The following LRP8 variants were observed in gnomAD, a reference collection of about 807,000 sequenced individuals.
The protein encoded by LRP8 is LDL receptor related protein 8, also known as low-density lipoprotein receptor-related protein 8.
In LRP8, 46 loss-of-function variants were observed where a neutral mutation model predicts 111.6. That is an observed-to-expected ratio of 0.41 (90% CI 0.33 to 0.53). LRP8 has a LOEUF of 0.53. Among genes scored for constraint, LRP8 ranks in the 20% least tolerant of loss-of-function variants. LRP8 has a pLI of 0.20. For missense variants in LRP8, 959 were observed against 1,297.4 expected (o/e 0.74, Z 4.01); for synonymous variants, 464 against 511.2 (o/e 0.91, Z 1.24).
intron 9 of LRP8, 39 bp from the exon 10 acceptor site, chr1:53,264,435 C>G (rs760854292): frequency 1.3e-6 from 2 of 1,523,770 alleles, no homozygotes; most frequent in East Asian, 4.6e-5. Flanking sequence ...GCAGATGTTC[C>G]ACCCATGGGC....
intron 3 of LRP8, among the ~76,000 whole-genome samples, chr1:53,289,038 C>T (rs958816791): frequency 5.9e-5 from 9 of 152,150 alleles, no homozygotes; most frequent in South Asian, 2.1e-4. Flanking sequence ...GGTAGAGGAA[C>T]GGGCCAGAGC....
rs1458061732 is a variant in LRP8, at chr1:53,272,689, A to T, written c.1007-1343T>A. 3 of 1,288,922 alleles carry T rather than the reference A, an allele frequency of 2.3e-6. No individual in the cohort carries two copies. The African/African-American group carries it at 4.6e-5, about 20-fold the overall frequency. 79.8% of individuals were successfully genotyped at this position (1,288,922 alleles called of 1,614,324 possible). The stretch of plus-strand genomic sequence containing the variant: ...AACTCCATGACTGGGGGACCCAGGG[A>T]TGACTCAGCCAGGCCCAGCCCTGGG... On this transcript the variant is annotated intron_variant, in intron 6 of 18. Coordinates refer to ENST00000306052, the MANE Select transcript of LRP8 (RefSeq NM_004631.5).
At chr1:53,268,374 A>C (rs532858643) in intron 8 of LRP8, 2 of 152,298 alleles carry the variant, frequency 1.3e-5, no homozygotes, top group Admixed American at 1.3e-4. Context: ...TTGTATATGC[A>C]TGGGTAGTTG....
At chr1:53,247,095 AAG>A (rs764943319) in intron 18 of LRP8, 39 bp from the exon 19 acceptor site, 1 of 1,515,418 alleles carries the variant, frequency 6.6e-7, no homozygotes, top group Non-Finnish European at 9.0e-7. Flanking sequence ...TTAGATCCAT[AAG>A]AGTTACTATT....
rs535311805 is a variant in LRP8, at chr1:53,303,133, G to A, written c.245-13444C>T. Reference sequence around the variant, plus strand: ...CAGGTAGAGCTCTTGTCAATCATGCGGCTTATTTCTTACCACCACCACTCC... The same window carrying A: ...CAGGTAGAGCTCTTGTCAATCATGCAGCTTATTTCTTACCACCACCACTCC... On this transcript the variant is annotated intron_variant, in intron 2 of 18. Transcript: ENST00000306052. This position sits in a 1 kb window ranked among gnomAD's most constrained non-coding sequence, Gnocchi z 4.3. Among the ~76,000 whole-genome samples the A allele has an allele frequency of 7.9e-5, 12 of 152,256 alleles. No homozygotes were observed. The highest frequency in any genetic ancestry group is 2.1e-4 in the South Asian group (1 of 4,828).
intron 2 of LRP8, among the ~76,000 whole-genome samples, chr1:53,301,730 T>TAA (rs34765403): frequency 0.13 from 19,183 of 144,354 alleles, 1,367 homozygotes; most frequent in Middle Eastern, 0.2. Flanking sequence ...AACCCTGTCT[T>TAA]AAAAAAAAAA....
intron 12 of LRP8, among the ~76,000 whole-genome samples, chr1:53,261,745 C>CA (rs1374907435): frequency 6.6e-6 from 1 of 152,204 alleles, no homozygotes. Context: ...TCCTTTCCTC[C>CA]CTTTACTGGG....
At chr1:53,301,953 C>T (rs1246227549) in intron 2 of LRP8, among the ~76,000 whole-genome samples, 2 of 152,068 alleles carry the variant, frequency 1.3e-5, no homozygotes, top group African/African-American at 2.4e-5. Context: ...GGGGTGGTGA[C>T]GTCACTCATC....
intron 8 of LRP8, chr1:53,267,236 C>G (rs1158098466): frequency 6.6e-6 from 1 of 152,372 alleles, no homozygotes; most frequent in Non-Finnish European, 1.5e-5. Context: ...GAGGCTGAGG[C>G]TGGCACATCG....
intron 2 of LRP8, among the ~76,000 whole-genome samples, chr1:53,295,952 G>A (rs774260990): frequency 5.9e-5 from 9 of 152,164 alleles, no homozygotes; most frequent in Non-Finnish European, 1.2e-4. Context: ...CAGCAGCCTG[G>A]TAGTTGTACT....
chr1:53,324,591 G>A (rs766565432), intron 2 of LRP8, among the ~76,000 whole-genome samples: 2 of 152,162 alleles, frequency 1.3e-5, no homozygotes, highest in East Asian at 3.8e-4. Context: ...TCCACTCCAA[G>A]CTTGACGTCA....
intron 12 of LRP8, among the ~76,000 whole-genome samples, chr1:53,261,755 G>C (rs1262453585): frequency 6.6e-6 from 1 of 152,100 alleles, no homozygotes; most frequent in African/African-American, 2.4e-5. Context: ...CCTTTACTGG[G>C]TGCCTTTTGT....
At chr1:53,253,084 C>A (rs756396028) in intron 16 of LRP8, among the ~76,000 whole-genome samples, 2 of 152,098 alleles carry the variant, frequency 1.3e-5, no homozygotes, top group Admixed American at 1.3e-4. Context: ...ACAGTTAAAT[C>A]TCTACCTCAT....
Position 53,250,715 on chromosome 1 carries a change from G to T in LRP8, c.2651C>A (p.Ala884Asp). 6.2e-7 allele frequency: 1 copy of T among 1,614,088 alleles called. No individual in the cohort carries two copies. The highest frequency in any genetic ancestry group is 1.1e-5 in the South Asian group (1 of 91,084). The change falls in exon 17 of 19, where the codon GCT becomes GAT. Residue 884 changes from alanine to aspartate, a missense_variant. Around this residue, in one of 3 missense-constraint regions of LRP8, gnomAD observed 819 missense variants for 1,097.6 expected, o/e 0.75. Transcript: ENST00000306052. This position sits in a 1 kb window ranked among gnomAD's most constrained non-coding sequence, Gnocchi z 4.6. The part of the protein sequence containing the change: ...DEDELHIGRT[A>D]QIGHVYPAAI... ...TGCAGGATAGACATGGCCAATCTGAGCAGTTCTCCCTATATGGAGCTCATC... is the reference window on the plus strand; with the variant it reads ...TGCAGGATAGACATGGCCAATCTGATCAGTTCTCCCTATATGGAGCTCATC...
chr1:53,277,063 T>C lies in LRP8; in HGVS notation c.512A>G (p.Glu171Gly), dbSNP rs999388306. The change falls in exon 5 of 19, where the codon GAG becomes GGG. Residue 171 changes from glutamate to glycine, a missense_variant. Physicochemically the swap from Glu to Gly is moderately conservative, Grantham distance 98. Transcript: ENST00000306052. ...AGCATLCAPHEFQCGNRSCLA... is the reference protein window; with the variant it reads ...AGCATLCAPHGFQCGNRSCLA... ...GCACGAGCGGTTGCCGCACTGGAAC[T>C]CGTGCGGGGCGCACACTGCGCGGGA... The C allele has an allele frequency of 4.6e-6, 7 of 1,522,522 alleles. No homozygotes were observed. The highest frequency in any genetic ancestry group is 5.3e-6 in the Non-Finnish European group (6 of 1,140,452). The allele number at this position is 1,522,522 out of a possible 1,614,324, so 94.3% of individuals were successfully genotyped here. A position where few individuals can be genotyped will look rare whatever the true frequency, so the allele number is the denominator to read the frequency against.
At chr1:53,253,606 C>G (rs1354463135) in intron 16 of LRP8, among the ~76,000 whole-genome samples, 1 of 152,128 alleles carries the variant, frequency 6.6e-6, no homozygotes, top group East Asian at 1.9e-4. Flanking sequence ...GTCAGCAAAA[C>G]AGCATATATC....
intron 4 of LRP8, 75 bp downstream of exon 4, chr1:53,280,512 C>A: frequency 6.4e-7 from 1 of 1,569,548 alleles, no homozygotes; most frequent in East Asian, 2.3e-5. Flanking sequence ...GGGCCCCCTC[C>A]CCAGAAGTGG....
Position 53,249,060 on chromosome 1 carries a change from A to AT in LRP8, c.2853+319dup, listed in dbSNP as rs1400624943. Among the ~76,000 whole-genome samples the AT allele has an allele frequency of 1.3e-5, 2 of 152,084 alleles. No homozygotes were observed. The highest frequency in any genetic ancestry group is 2.4e-5 in the African/African-American group (1 of 41,404). ...ATCTTCAAAAACTGGTCAAGCAACT[A>AT]TTTTTTTGGACTGGCCGAGGTTAAG... On this transcript the variant is annotated intron_variant, in intron 18 of 18. Coordinates refer to ENST00000306052, the MANE Select transcript of LRP8 (RefSeq NM_004631.5). This position sits in a 1 kb window ranked among gnomAD's most constrained non-coding sequence, Gnocchi z 4.1.
rs769032826 is a variant in LRP8 at position 53,264,275 on chromosome 1, C to T, written c.1549G>A (p.Gly517Ser). ...VHKHIYWTDS[G>S]NKTISVATVD... ...GTGGCCACTGAGATGGTCTTATTGC[C>T]CGAGTCAGTCCAGTAGATGTGCTTG... is the stretch of plus-strand genomic sequence containing the variant. The change falls in exon 10 of 19, where the codon GGC becomes AGC. Residue 517 changes from glycine (G) to serine (S), a missense_variant. Physicochemically the swap from Gly to Ser is moderately conservative, Grantham distance 56. Transcript: ENST00000306052. 6.2e-7 allele frequency: 1 copy of T among 1,614,050 alleles called. No individual in the cohort carries two copies.
Sources: gnomAD v4.1 joint callset for allele counts (sites outside exome capture counted in the v4.1 genomes callset) on GRCh38, gnomAD v4.1.1 for gene constraint, gnomAD v4.1.1 regional missense constraint, Gnocchi (gnomAD v3.1) non-coding constraint, MANE v1.5 for transcripts, NCBI Gene and HGNC (gene_info 2026-07-23, HGNC 2026-07-21) for gene names.